VMP1: variants seen among roughly 807,000 people sequenced by gnomAD.
VMP1 encodes the protein vacuole membrane protein 1.
Under a neutral mutation model 56.0 loss-of-function variants are expected in VMP1, and 11 were observed. The ratio of observed to expected loss-of-function variants is 0.20; its 90% confidence interval spans 0.12 to 0.32. The LOEUF (loss-of-function observed/expected upper bound fraction) is 0.32, where lower values mean the gene tolerates loss of function less well. Ranked by LOEUF, VMP1 falls within the 10% of genes least tolerant of loss-of-function variation. The pLI is 1.00. For synonymous variants in VMP1, 149 were observed against 165.0 expected (o/e 0.90, Z 0.74); for missense variants, 296 against 490.3 (o/e 0.60, Z 3.74).
intron 8 of VMP1, among the ~76,000 whole-genome samples, chr17:59,809,874 A>G (rs1177892618): frequency 1.3e-5 from 2 of 152,216 alleles, no homozygotes; most frequent in South Asian, 2.1e-4. Flanking sequence ...GCTTTTAAGT[A>G]TTTCATCATG....
At chr17:59,787,168 A>G (rs1338522168) in intron 7 of VMP1, among the ~76,000 whole-genome samples, 1 of 152,196 alleles carries the variant, frequency 6.6e-6, no homozygotes, top group African/African-American at 2.4e-5. Context: ...TTTGTTCATC[A>G]AGAAAAGGTA....
intron 10 of VMP1, among the ~76,000 whole-genome samples, chr17:59,821,916 C>T (rs2038468913): frequency 6.6e-6 from 1 of 151,250 alleles, no homozygotes; most frequent in Admixed American, 6.6e-5. Context: ...AATCTTGGCT[C>T]ACTGCAACCT....
chr17:59,806,948 GA>G (rs576179503), intron 7 of VMP1, among the ~76,000 whole-genome samples: 2 of 151,594 alleles, frequency 1.3e-5, no homozygotes, highest in South Asian at 4.2e-4. Flanking sequence ...TGGTTTCTTT[GA>G]CTTTCTCATC....
intron 1 of VMP1, among the ~76,000 whole-genome samples, chr17:59,717,213 G>T (rs767938143): frequency 2.4e-4 from 36 of 151,908 alleles, no homozygotes; most frequent in South Asian, 4.2e-4. Flanking sequence ...CTCGTGATCC[G>T]CCCGCTTCGG....
intron 7 of VMP1, among the ~76,000 whole-genome samples, chr17:59,797,940 A>T (rs74738450): frequency 6.6e-6 from 1 of 152,176 alleles, no homozygotes; most frequent in African/African-American, 2.4e-5. Flanking sequence ...GGAAAAGCTA[A>T]ATCTGTGGTA....
chr17:59,719,949 A>G (rs1026615925), intron 1 of VMP1, among the ~76,000 whole-genome samples: 1 of 152,216 alleles, frequency 6.6e-6, no homozygotes, highest in Non-Finnish European at 1.5e-5. Context: ...AGTGTTCAAA[A>G]TGAAAATTAT....
At chr17:59,742,652 C>T (rs1409860093) in intron 5 of VMP1, among the ~76,000 whole-genome samples, 1 of 152,046 alleles carries the variant, frequency 6.6e-6, no homozygotes, top group Non-Finnish European at 1.5e-5. Flanking sequence ...CCCCAGGCCA[C>T]AGACCAGTAC....
chr17:59,726,237 T>G (rs773261009), intron 1 of VMP1, among the ~76,000 whole-genome samples: 22 of 151,982 alleles, frequency 1.4e-4, no homozygotes, highest in Non-Finnish European at 3.1e-4. Flanking sequence ...AAATATTTTT[T>G]AAAAGATATT....
intron 7 of VMP1, among the ~76,000 whole-genome samples, chr17:59,787,616 G>A (rs895545744): frequency 6.6e-6 from 1 of 152,088 alleles, no homozygotes; most frequent in Admixed American, 6.6e-5. Context: ...GAGGTCAGGA[G>A]TTTGAGACCA....
chr17:59,708,259 C>T (rs2033764340), intron 1 of VMP1, among the ~76,000 whole-genome samples: 1 of 152,170 alleles, frequency 6.6e-6, no homozygotes, highest in Non-Finnish European at 1.5e-5. Flanking sequence ...AATGGGCCTT[C>T]GCTCCGCAGA....
At chr17:59,713,444 A>G (rs1598275512) in intron 1 of VMP1, among the ~76,000 whole-genome samples, 1 of 152,242 alleles carries the variant, frequency 6.6e-6, no homozygotes, top group African/African-American at 2.4e-5. Context: ...ACTTACATAT[A>G]TAAATCTAGA....
chr17:59,783,442 T>G (rs1478404867), intron 7 of VMP1, among the ~76,000 whole-genome samples: 1 of 152,240 alleles, frequency 6.6e-6, no homozygotes, highest in Non-Finnish European at 1.5e-5. Context: ...TTCCACTAGA[T>G]GTCTGTGAGA....
intron 7 of VMP1, among the ~76,000 whole-genome samples, chr17:59,804,968 C>T (rs571176941): frequency 2.6e-5 from 4 of 152,226 alleles, no homozygotes; most frequent in African/African-American, 4.8e-5. Context: ...CTGAAAGTAG[C>T]ATGGTCACTG....
chr17:59,716,109 A>G (rs2034142794), intron 1 of VMP1, among the ~76,000 whole-genome samples: 1 of 152,168 alleles, frequency 6.6e-6, no homozygotes, highest in Admixed American at 6.5e-5. Context: ...CTCATGAAAA[A>G]GTTCAGTATC....
At chr17:59,773,920 A>T in intron 7 of VMP1, 35 bp downstream of exon 7, 1 of 1,548,514 alleles carries the variant, frequency 6.5e-7, no homozygotes, top group Non-Finnish European at 8.7e-7. Context: ...AGAACACTTT[A>T]CTTCTTCCTA....
At position 59,784,142 on chromosome 17, in the gene VMP1, T is replaced by TGTGTGTGTGTGTGTGTGA. The variant is rs556387089; in HGVS notation, c.714+10258_714+10259insTGTGTGTGTGTGTGTGAG. ...GTGTGTGTGTGTGTGTGTGTGTGTG[T>TGTGTGTGTGTGTGTGTGA]GAGAGAGAGAGAGAGATTGGAGGGA... On this transcript the variant is annotated intron_variant, in intron 7 of 11. Coordinates refer to ENST00000262291, the MANE Select transcript of VMP1 (RefSeq NM_030938.5). 3.8e-5 allele frequency among the ~76,000 whole-genome samples: 5 copies of TGTGTGTGTGTGTGTGTGA among 130,376 alleles called. No individual in the cohort carries two copies. In the East Asian group the frequency reaches 6.8e-4, roughly 18 times the overall value. 85.5% of individuals were successfully genotyped at this position (130,376 alleles called of 152,430 possible).
chr17:59,711,093 T>A, intron 1 of VMP1, among the ~76,000 whole-genome samples: 3 of 144,954 alleles, frequency 2.1e-5, no homozygotes, highest in African/African-American at 5.2e-5. Context: ...GAGAAGAAAA[T>A]AAAAGAAAAG....
At chr17:59,781,557 T>G (rs1196902769) in intron 7 of VMP1, among the ~76,000 whole-genome samples, 1 of 152,182 alleles carries the variant, frequency 6.6e-6, no homozygotes, top group Non-Finnish European at 1.5e-5. Context: ...TGCCCTTTAG[T>G]CTTTTCTCTA....
chr17:59,817,501 GT>G (rs2038286008), intron 9 of VMP1, among the ~76,000 whole-genome samples: 1 of 151,688 alleles, frequency 6.6e-6, no homozygotes, highest in South Asian at 2.1e-4. Flanking sequence ...ACAGGCACAT[GT>G]CACCACCCCC....
Sources: allele counts gnomAD v4.1 joint callset (sites outside exome capture counted in the v4.1 genomes callset), GRCh38; gene constraint gnomAD v4.1.1; transcripts MANE v1.5; gene names NCBI Gene and HGNC (gene_info 2026-07-23, HGNC 2026-07-21).